VPS13B: variants seen among roughly 807,000 people sequenced by gnomAD.
VPS13B encodes the protein vacuolar protein sorting 13 homolog B, also known as intermembrane lipid transfer protein VPS13B.
VPS13B carries 285 observed loss-of-function variants against 426.4 expected under a neutral mutation model. That is an observed-to-expected ratio of 0.67 (90% CI 0.61 to 0.74). The LOEUF (loss-of-function observed/expected upper bound fraction) is 0.74. VPS13B is among the 30% of genes least tolerant of loss of function. The probability of loss-of-function intolerance (pLI) is 0.00; values close to 1 mark genes in which losing one functional copy is unlikely to be tolerated. For synonymous variants in VPS13B, 1,676 were observed against 1,676.4 expected (o/e 1.00, Z 0.01); for missense variants, 4,537 against 4,782.6 (o/e 0.95, Z 1.51).
rs781173766 is a variant in VPS13B, at chr8:99,875,966, A to AAAACGTGTTCCTTC, written c.*301_*314dup. 104 of 417,258 alleles carry AAAACGTGTTCCTTC rather than the reference A, an allele frequency of 2.5e-4. No individual in the cohort carries two copies. Among genetic ancestry groups the AAAACGTGTTCCTTC allele is most frequent in the Non-Finnish European group, 4.0e-4 (91 of 226,788 alleles). 25.8% of individuals were successfully genotyped at this position (417,258 alleles called of 1,614,324 possible). The stretch of plus-strand genomic sequence containing the variant: ...CTCTAAAAGATACTTCAAAGTGACA[A>AAAACGTGTTCCTTC]AAACGTGTTCCTTCCCCACTTAGAG... On this transcript the variant is annotated 3_prime_UTR_variant, in exon 62 of 62. Transcript: ENST00000357162.
At chr8:99,698,790 A>T (rs1004515111) in intron 35 of VPS13B, among the ~76,000 whole-genome samples, 1 of 152,218 alleles carries the variant, frequency 6.6e-6, no homozygotes, top group Non-Finnish European at 1.5e-5. Context: ...AAATAGAGTG[A>T]TTTTAGGTGA....
chr8:99,147,916 A>G lies in VPS13B; in HGVS notation c.1919A>G (p.His640Arg). 1 of 1,613,768 alleles carries G rather than the reference A, an allele frequency of 6.2e-7. No homozygotes were observed. The highest frequency in any genetic ancestry group is 8.5e-7 in the Non-Finnish European group (1 of 1,179,816). ...CTGGAGGAATATATTCCTACTCGAC[A>G]TACAAGTGTTACTCTCCTCAAATGT... is the stretch of plus-strand genomic sequence containing the variant. Reference protein sequence around the residue: ...ALLEEYIPTRHTSVTLLKCTC... With the variant: ...ALLEEYIPTRRTSVTLLKCTC... The change falls in exon 14 of 62, where the codon CAT (histidine) becomes CGT (arginine). Residue 640 changes from histidine to arginine, a missense_variant. Physicochemically the swap from His to Arg is conservative, Grantham distance 29. This residue lies in a region of VPS13B where 4,311 missense variants were observed against 4,474.3 expected (regional missense o/e 0.96). Coordinates refer to ENST00000357162, the MANE Select transcript of VPS13B (RefSeq NM_152564.5).
Position 99,210,915 on chromosome 8 carries a change from A to C in VPS13B, c.2515+17858A>C, listed in dbSNP as rs1815051918. On this transcript the variant is annotated intron_variant, in intron 17 of 61. Coordinates refer to ENST00000357162, the MANE Select transcript of VPS13B (RefSeq NM_152564.5). ...CCTGGCCAGGTCTTAAAAATATTTA[A>C]TGTTTAACTGTCTTTCCTATTGGTA... 2.0e-5 allele frequency among the ~76,000 whole-genome samples: 3 copies of C among 152,104 alleles called. No homozygotes were observed. In the South Asian group the frequency reaches 6.2e-4, roughly 32 times the overall value.
intron 24 of VPS13B, among the ~76,000 whole-genome samples, chr8:99,476,985 A>G (rs1819728385): frequency 1.3e-5 from 2 of 152,110 alleles, no homozygotes; most frequent in Non-Finnish European, 2.9e-5. Context: ...TTTTCCAGTG[A>G]ATTTGCTCTT....
intron 39 of VPS13B, among the ~76,000 whole-genome samples, chr8:99,757,233 A>T (rs778992710): frequency 6.6e-6 from 1 of 152,186 alleles, no homozygotes; most frequent in Non-Finnish European, 1.5e-5. Context: ...CCAAACTCTA[A>T]TAACTAAGTC....
At chr8:99,288,398 T>C (rs1265739326) in intron 19 of VPS13B, among the ~76,000 whole-genome samples, 8 of 152,054 alleles carry the variant, frequency 5.3e-5, no homozygotes, top group Non-Finnish European at 4.4e-5. Context: ...GAATTACTTA[T>C]TTTCAACCAA....
At chr8:99,506,545 G>T (rs1054895559) in intron 27 of VPS13B, among the ~76,000 whole-genome samples, 3 of 152,212 alleles carry the variant, frequency 2.0e-5, no homozygotes, top group Non-Finnish European at 4.4e-5. Flanking sequence ...TATGCTAAAT[G>T]AGTACTGGGG....
chr8:99,393,969 T>C (rs868274320), intron 21 of VPS13B, among the ~76,000 whole-genome samples: 17 of 152,178 alleles, frequency 1.1e-4, no homozygotes, highest in Non-Finnish European at 1.9e-4. Context: ...GTTTTAATTA[T>C]TATTTATATT....
chr8:99,097,086 T>G (rs1026139177), intron 4 of VPS13B, among the ~76,000 whole-genome samples: 2 of 152,216 alleles, frequency 1.3e-5, no homozygotes, highest in Non-Finnish European at 2.9e-5. Flanking sequence ...GAGAACTATT[T>G]GCAGGGATAT....
chr8:99,083,224 T>C (rs187965500), intron 3 of VPS13B, among the ~76,000 whole-genome samples: 2 of 152,226 alleles, frequency 1.3e-5, no homozygotes, highest in Non-Finnish European at 2.9e-5. Context: ...TTTGAAGCAA[T>C]TGTGAATGGG....
intron 55 of VPS13B, among the ~76,000 whole-genome samples, chr8:99,851,671 A>G (rs927606609): frequency 6.6e-6 from 1 of 152,096 alleles, no homozygotes; most frequent in African/African-American, 2.4e-5. Flanking sequence ...CATGCCTGGC[A>G]TCAAGGAGGA....
At chr8:99,072,555 G>A (rs4735595) in intron 3 of VPS13B, among the ~76,000 whole-genome samples, 12,636 of 152,124 alleles carry the variant, frequency 0.083, 892 homozygotes, top group African/African-American at 0.19. Context: ...CCAGGGGTGC[G>A]GGGCCGAGGT....
Position 99,496,583 on chromosome 8 carries a change from G to A in VPS13B, c.3871-5104G>A, listed in dbSNP as rs1035989063. 3.9e-5 allele frequency among the ~76,000 whole-genome samples: 6 copies of A among 152,108 alleles called. No homozygotes were observed. The South Asian group carries it at 6.2e-4, about 16-fold the overall frequency. On this transcript the variant is annotated intron_variant, in intron 25 of 61. Coordinates refer to ENST00000357162, the MANE Select transcript of VPS13B (RefSeq NM_152564.5). ...GGAGAATGGCGTGAACCCGGGAGGC[G>A]GAGCTTGCAGTGAGCCAAGATCTCG...
chr8:99,110,243 T>C (rs1847290144), intron 5 of VPS13B, among the ~76,000 whole-genome samples: 1 of 152,176 alleles, frequency 6.6e-6, no homozygotes, highest in African/African-American at 2.4e-5. Flanking sequence ...ACACATTTTA[T>C]TGTTTTTTAA....
At chr8:99,050,303 A>C (rs4734421) in intron 3 of VPS13B, among the ~76,000 whole-genome samples, 125,408 of 151,772 alleles carry the variant, frequency 0.83, 52,311 homozygotes, top group South Asian at 0.89. Context: ...TTTGTCCTTG[A>C]GATAGTTTGC....
At chr8:99,827,599 C>T (rs1301723630) in intron 51 of VPS13B, among the ~76,000 whole-genome samples, 1 of 140,224 alleles carries the variant, frequency 7.1e-6, no homozygotes, top group Admixed American at 7.3e-5. Flanking sequence ...CTACTCTGAT[C>T]TTAGTTATTT....
At chr8:99,038,767 A>G (rs567106759) in intron 3 of VPS13B, among the ~76,000 whole-genome samples, 6 of 138,770 alleles carry the variant, frequency 4.3e-5, no homozygotes, top group South Asian at 4.6e-4. Flanking sequence ...GCTCACTGCA[A>G]CCTCCTCCTC....
intron 33 of VPS13B, among the ~76,000 whole-genome samples, chr8:99,625,495 G>A (rs189297322): frequency 4.6e-5 from 7 of 151,114 alleles, no homozygotes; most frequent in Non-Finnish European, 7.4e-5. Context: ...GGAGGATTAC[G>A]TGAGTCCAGG....
chr8:99,324,670 G>T (rs536866054), intron 19 of VPS13B, among the ~76,000 whole-genome samples: 342 of 152,234 alleles, frequency 2.2e-3, no homozygotes, highest in Non-Finnish European at 3.5e-3. Context: ...AATTTAAAGG[G>T]TATCAATTGT....
Sources: gnomAD v4.1 joint callset for allele counts (sites outside exome capture counted in the v4.1 genomes callset) on GRCh38, gnomAD v4.1.1 for gene constraint, gnomAD v4.1.1 regional missense constraint, MANE v1.5 for transcripts, NCBI Gene and HGNC (gene_info 2026-07-23, HGNC 2026-07-21) for gene names.